Variants in RPS6KA5 observed in about 807,000 individuals in gnomAD.
RPS6KA5 encodes ribosomal protein S6 kinase A5, also known as ribosomal protein S6 kinase alpha-5.
RPS6KA5 carries 27 observed loss-of-function variants against 85.5 expected under a neutral mutation model. The observed-to-expected ratio is 0.32, with a 90% CI of 0.23 to 0.44. The LOEUF (loss-of-function observed/expected upper bound fraction) is 0.44. RPS6KA5 is among the 20% of genes least tolerant of loss of function. The pLI is 1.00. For missense variants in RPS6KA5, 811 were observed against 980.9 expected, an observed-to-expected ratio of 0.83 and a Z score of 2.31; for synonymous variants, 334 against 348.2, an observed-to-expected ratio of 0.96 and a Z score of 0.46.
intron 3 of RPS6KA5, among the ~76,000 whole-genome samples, chr14:90,949,318 G>C (rs1019230166): frequency 1.3e-5 from 2 of 152,186 alleles, no homozygotes; most frequent in African/African-American, 2.4e-5. Context: ...GGCCACTCCA[G>C]TAGAGCTGAT....
chr14:90,873,558 A>G (rs2140138169), intron 16 of RPS6KA5, 74 bp downstream of exon 16: 4 of 1,302,384 alleles, frequency 3.1e-6, no homozygotes, highest in Non-Finnish European at 4.2e-6. Context: ...AACGTATCTG[A>G]GGCTACAGAG....
chr14:91,032,301 G>T (rs1265513254), intron 1 of RPS6KA5, among the ~76,000 whole-genome samples: 1 of 152,202 alleles, frequency 6.6e-6, no homozygotes, highest in Non-Finnish European at 1.5e-5. Flanking sequence ...TGCCAGAGCA[G>T]AAAGAGTCTA....
chr14:91,042,731 T>C (rs548071295), intron 1 of RPS6KA5, among the ~76,000 whole-genome samples: 8 of 149,854 alleles, frequency 5.3e-5, no homozygotes, highest in Non-Finnish European at 1.0e-4. Flanking sequence ...AAGTCTTTTA[T>C]CGGACCTCCT....
chr14:90,963,434 T>C (rs1022657177), intron 3 of RPS6KA5, among the ~76,000 whole-genome samples: 2 of 152,188 alleles, frequency 1.3e-5, no homozygotes, highest in Admixed American at 6.5e-5. Flanking sequence ...ATTGAGACTA[T>C]GTAAAAATCT....
chr14:91,030,154 G>A (rs948626326), intron 1 of RPS6KA5, among the ~76,000 whole-genome samples: 11 of 152,260 alleles, frequency 7.2e-5, no homozygotes, highest in African/African-American at 2.6e-4. Flanking sequence ...ACTGGGGAGG[G>A]CAAGATAAAG....
intron 1 of RPS6KA5, among the ~76,000 whole-genome samples, chr14:91,032,021 CTT>C (rs1209893153): frequency 2.6e-5 from 4 of 152,134 alleles, no homozygotes; most frequent in African/African-American, 4.8e-5. Context: ...ATTGAGTACT[CTT>C]TGCGGGCGAC....
At chr14:90,920,595 G>A (rs2036354983) in intron 6 of RPS6KA5, among the ~76,000 whole-genome samples, 3 of 151,444 alleles carry the variant, frequency 2.0e-5, no homozygotes, top group African/African-American at 2.4e-5. Flanking sequence ...ATTTTAAGTA[G>A]GTGATATTTC....
intron 5 of RPS6KA5, among the ~76,000 whole-genome samples, chr14:90,928,543 TA>T (rs2036803199): frequency 6.6e-6 from 1 of 151,738 alleles, no homozygotes; most frequent in African/African-American, 2.4e-5. Context: ...TAATTTAAAA[TA>T]AAACATTACT....
At chr14:90,998,057 T>C (rs890472263) in intron 2 of RPS6KA5, among the ~76,000 whole-genome samples, 22 of 127,318 alleles carry the variant, frequency 1.7e-4, no homozygotes, top group African/African-American at 5.9e-4. Context: ...TGTACTACAA[T>C]ATGAATGAAC....
In RPS6KA5 at chr14:90,906,249, G is replaced by A. The variant is rs1281348481; in HGVS notation, c.857C>T (p.Ala286Val). The change falls in exon 8 of 17, where the codon GCG becomes GTG. Residue 286 changes from alanine (A) to valine (V), a missense_variant. This residue lies in a region of RPS6KA5 where 650 missense variants were observed against 793.4 expected (regional missense o/e 0.82). Coordinates refer to ENST00000614987, the MANE Select transcript of RPS6KA5 (RefSeq NM_004755.4). ...CAAAAGACGCTGAATTAGGTCTTTC[G>A]CTAAAGCACTCATTTCTTGGGGATA... is the stretch of plus-strand genomic sequence containing the variant. ...PPYPQEMSAL[A>V]KDLIQRLLMK... The A allele has an allele frequency of 5.0e-6, 8 of 1,611,028 alleles. No homozygotes were observed. In the East Asian group the frequency reaches 6.7e-5, roughly 13 times the overall value.
At chr14:90,904,734 A>C (rs1448553121) in intron 8 of RPS6KA5, among the ~76,000 whole-genome samples, 1 of 152,234 alleles carries the variant, frequency 6.6e-6, no homozygotes, top group African/African-American at 2.4e-5. Context: ...AAGGCCATTT[A>C]GGCCTTTACA....
chr14:90,966,660 G>C (rs919982835), intron 3 of RPS6KA5, among the ~76,000 whole-genome samples: 2 of 152,166 alleles, frequency 1.3e-5, no homozygotes, highest in Non-Finnish European at 2.9e-5. Context: ...GCACCAAAGA[G>C]GCAGACTAAA....
chr14:90,925,710 A>T (rs2140303980), intron 5 of RPS6KA5, among the ~76,000 whole-genome samples: 1 of 152,148 alleles, frequency 6.6e-6, no homozygotes, highest in East Asian at 1.9e-4. Flanking sequence ...GCATGTTGTA[A>T]AAGATAAAAG....
chr14:90,923,005 C>G, intron 6 of RPS6KA5, 108 bp downstream of exon 6: 1 of 736,226 alleles, frequency 1.4e-6, no homozygotes. Flanking sequence ...GTAAGACAAT[C>G]AACACCAGAA....
At chr14:91,025,987 CTCT>C (rs112799903) in intron 1 of RPS6KA5, among the ~76,000 whole-genome samples, 2,279 of 152,164 alleles carry the variant, frequency 0.015, 53 homozygotes, top group African/African-American at 0.052. Flanking sequence ...AGCCTTTTCC[CTCT>C]TCTTTCTCTC....
At chr14:90,947,720 A>G (rs943630389) in intron 3 of RPS6KA5, among the ~76,000 whole-genome samples, 170 bp from the exon 4 acceptor site, 1 of 152,240 alleles carries the variant, frequency 6.6e-6, no homozygotes, top group East Asian at 1.9e-4. Context: ...ATAGCAATAC[A>G]GTTTCGCAAA....
chr14:90,927,537 C>T (rs754868429), intron 5 of RPS6KA5, among the ~76,000 whole-genome samples: 4 of 152,078 alleles, frequency 2.6e-5, no homozygotes, highest in African/African-American at 7.2e-5. Context: ...CACTAACCAA[C>T]AGAAAGCTGG....
chr14:90,897,155 AAT>A (rs1428730604), intron 12 of RPS6KA5, among the ~76,000 whole-genome samples: 1 of 152,200 alleles, frequency 6.6e-6, no homozygotes. Flanking sequence ...CGCAGTTCAC[AAT>A]AGAGTTTGTA....
In RPS6KA5 at chr14:90,986,703, C is replaced by T. The variant is rs115388007; in HGVS notation, c.176-8179G>A. On this transcript the variant is annotated intron_variant, in intron 2 of 16. Coordinates refer to ENST00000614987, the MANE Select transcript of RPS6KA5 (RefSeq NM_004755.4). ...GAGAAAGGCCTCAGGTAGACAGGGG[C>T]CACCACACCTGGAAGGTTACATGCC... Among the ~76,000 whole-genome samples the T allele has an allele frequency of 7.2e-3, 1,103 of 152,226 alleles. 9 individuals carry two copies. Among genetic ancestry groups the T allele is most frequent in the Middle Eastern group, 0.027 (8 of 294 alleles).
Sources: gnomAD v4.1 joint callset for allele counts (sites outside exome capture counted in the v4.1 genomes callset) on GRCh38, gnomAD v4.1.1 for gene constraint, gnomAD v4.1.1 regional missense constraint, MANE v1.5 for transcripts, NCBI Gene and HGNC (gene_info 2026-07-23, HGNC 2026-07-21) for gene names.